KLHL29: variants seen among roughly 807,000 people sequenced by gnomAD.
The protein encoded by KLHL29 is kelch-like protein 29.
KLHL29 carries 21 observed loss-of-function variants against 80.4 expected under a neutral mutation model. The observed-to-expected ratio is 0.26, with a 90% confidence interval of 0.19 to 0.38. The LOEUF is 0.38. KLHL29 is among the 10% of genes least tolerant of loss of function. KLHL29 has a pLI of 1.00. For synonymous variants in KLHL29, 511 were observed against 526.8 expected, an observed-to-expected ratio of 0.97 and a Z score of 0.41; for missense variants, 867 against 1,223.9, an observed-to-expected ratio of 0.71 and a Z score of 4.35.
At chr2:23,569,302 A>G (rs148412057) in intron 3 of KLHL29, among the ~76,000 whole-genome samples, 2 of 152,354 alleles carry the variant, frequency 1.3e-5, no homozygotes, top group African/African-American at 4.8e-5. Flanking sequence ...TACATGATGC[A>G]GTATTCGGTA....
intron 3 of KLHL29, among the ~76,000 whole-genome samples, chr2:23,590,198 C>T (rs867064646): frequency 5.9e-5 from 9 of 152,372 alleles, no homozygotes; most frequent in Middle Eastern, 3.4e-3. Context: ...CCCTTGCCCG[C>T]TTTTCTTCTG....
intron 2 of KLHL29, among the ~76,000 whole-genome samples, chr2:23,488,675 T>A (rs1207893059): frequency 6.6e-6 from 1 of 152,128 alleles, no homozygotes; most frequent in Admixed American, 6.5e-5. Context: ...ACATCATGAA[T>A]CAAAAGGAGG....
Position 23,692,638 on chromosome 2 carries a change from G to A in KLHL29, c.1283-631G>A, listed in dbSNP as rs141258716. Among the ~76,000 whole-genome samples the A allele has an allele frequency of 3.3e-3, 495 of 152,244 alleles. 4 individuals carry two copies. Among genetic ancestry groups the A allele is most frequent in the Non-Finnish European group, 4.7e-3 (318 of 68,006 alleles). Reference sequence around the variant, plus strand: ...GATGGGCCTCCAGAAACCCAGACACGCCTAGGTTGGAAGAACCACTAGCAT... The same window carrying A: ...GATGGGCCTCCAGAAACCCAGACACACCTAGGTTGGAAGAACCACTAGCAT... On this transcript the variant is annotated intron_variant, in intron 7 of 13. Transcript: ENST00000486442.
In KLHL29 at chr2:23,390,958, CTG is replaced by C. The variant is rs770022013; in HGVS notation, c.-154+5181_-154+5182del. Among the ~76,000 whole-genome samples the C allele has an allele frequency of 4.1e-4, 63 of 152,232 alleles. 1 individual carries two copies. Among genetic ancestry groups the C allele is most frequent in the Non-Finnish European group, 8.8e-4 (60 of 68,048 alleles). On this transcript the variant is annotated intron_variant, in intron 1 of 13. Coordinates refer to ENST00000486442, the MANE Select transcript of KLHL29 (RefSeq NM_052920.2). ...CATGAGCCACCTTTACCATTTTTAA[CTG>C]TGCATTCGTAGCATTCACATTGTTG... is the stretch of plus-strand genomic sequence containing the variant.
chr2:23,425,430 C>CCT (rs1353213233), intron 1 of KLHL29, among the ~76,000 whole-genome samples: 2 of 152,268 alleles, frequency 1.3e-5, no homozygotes, highest in Admixed American at 1.3e-4. Flanking sequence ...CCAGCAAATA[C>CCT]CTCTCTCTCC....
rs1241883781 is a variant in KLHL29, at chr2:23,574,197, G to A, written c.285+11716G>A. Among the ~76,000 whole-genome samples the A allele has an allele frequency of 5.3e-5, 8 of 152,260 alleles. No individual in the cohort carries two copies. The South Asian group carries it at 1.7e-3, about 32-fold the overall frequency. On this transcript the variant is annotated intron_variant, in intron 3 of 13. Transcript: ENST00000486442. ...GAGGGAAGAAGGAAAAGGTCACTGT[G>A]GTTATGGTTTTCATCTCAAGCCCTG...
chr2:23,597,512 C>T (rs1421751595), intron 3 of KLHL29, among the ~76,000 whole-genome samples: 1 of 144,588 alleles, frequency 6.9e-6, no homozygotes, highest in East Asian at 2.1e-4. Context: ...CAACCTCTGC[C>T]TCCCAGGTTC....
chr2:23,688,277 A>G (rs937697651), intron 6 of KLHL29, among the ~76,000 whole-genome samples: 7 of 152,222 alleles, frequency 4.6e-5, no homozygotes, highest in East Asian at 1.9e-4. Context: ...CCAGGCGTTC[A>G]TTCATGGGCG....
chr2:23,473,046 G>T (rs1664540631), intron 1 of KLHL29, among the ~76,000 whole-genome samples: 1 of 152,182 alleles, frequency 6.6e-6, no homozygotes, highest in Non-Finnish European at 1.5e-5. Flanking sequence ...CTGCCTTTGA[G>T]CATAATGGTC....
At chr2:23,594,205 AT>A (rs1186410603) in intron 3 of KLHL29, among the ~76,000 whole-genome samples, 1 of 152,058 alleles carries the variant, frequency 6.6e-6, no homozygotes, top group East Asian at 1.9e-4. Flanking sequence ...GACCGGCCTT[AT>A]TTGGGAGTGC....
chr2:23,648,780 T>C (rs1401845331), intron 5 of KLHL29, among the ~76,000 whole-genome samples: 1 of 152,146 alleles, frequency 6.6e-6, no homozygotes, highest in African/African-American at 2.4e-5. Context: ...GCAGAGAGAA[T>C]TGATTGTGAG....
intron 1 of KLHL29, among the ~76,000 whole-genome samples, chr2:23,428,285 C>T (rs1479980882): frequency 2.0e-5 from 3 of 152,178 alleles, no homozygotes; most frequent in African/African-American, 2.4e-5. Flanking sequence ...CTGTGTCTTC[C>T]GCTGTCCCCC....
chr2:23,675,845 C>T (rs1670903987), intron 5 of KLHL29, among the ~76,000 whole-genome samples: 1 of 152,226 alleles, frequency 6.6e-6, no homozygotes, highest in African/African-American at 2.4e-5. Flanking sequence ...TCCGATTCCA[C>T]ACAACTGTGG....
intron 2 of KLHL29, among the ~76,000 whole-genome samples, chr2:23,545,374 T>G (rs996754377): frequency 6.6e-6 from 1 of 152,210 alleles, no homozygotes; most frequent in Non-Finnish European, 1.5e-5. Flanking sequence ...GTGGAGGCAG[T>G]GCTATGACAC....
chr2:23,413,085 A>G (rs1213129618), intron 1 of KLHL29, among the ~76,000 whole-genome samples: 1 of 152,146 alleles, frequency 6.6e-6, no homozygotes, highest in Non-Finnish European at 1.5e-5. Flanking sequence ...ATCCGGTGGA[A>G]AGGTGAGGCC....
chr2:23,621,604 C>T (rs184098432), intron 3 of KLHL29, among the ~76,000 whole-genome samples: 1 of 151,932 alleles, frequency 6.6e-6, no homozygotes, highest in African/African-American at 2.4e-5. Context: ...ATGGGACAGA[C>T]CCCCCAGACA....
intron 2 of KLHL29, among the ~76,000 whole-genome samples, chr2:23,501,377 A>T (rs1228520031): frequency 2.6e-5 from 4 of 152,034 alleles, no homozygotes; most frequent in Non-Finnish European, 5.9e-5. Context: ...AAGAGGCTAT[A>T]CAGGTGCAGG....
chr2:23,403,643 A>G (rs142908509), intron 1 of KLHL29, among the ~76,000 whole-genome samples: 252 of 152,244 alleles, frequency 1.7e-3, no homozygotes, highest in Middle Eastern at 3.4e-3. Flanking sequence ...TTTGCAATTT[A>G]TTAATAATAA....
intron 2 of KLHL29, among the ~76,000 whole-genome samples, chr2:23,487,314 G>A (rs1164107967): frequency 6.6e-6 from 1 of 152,172 alleles, no homozygotes; most frequent in Non-Finnish European, 1.5e-5. Flanking sequence ...GTGTTTGGAG[G>A]CCAAACCAAG....
Sources: gnomAD v4.1 joint callset for allele counts (sites outside exome capture counted in the v4.1 genomes callset) on GRCh38, gnomAD v4.1.1 for gene constraint, MANE v1.5 for transcripts, NCBI Gene and HGNC (gene_info 2026-07-23, HGNC 2026-07-21) for gene names.